Variants in ITIH5 observed in about 807,000 individuals in gnomAD.
ITIH5 encodes the protein inter-alpha-trypsin inhibitor heavy chain H5.
In ITIH5, 65 loss-of-function variants were observed where a neutral mutation model predicts 77.5. That is an observed-to-expected ratio of 0.84 (90% confidence interval 0.69 to 1.03). The LOEUF (loss-of-function observed/expected upper bound fraction) is 1.03. Among genes scored for constraint, ITIH5 ranks in the 50% least tolerant of loss-of-function variants. The probability of loss-of-function intolerance (pLI) is 0.00; values close to 1 mark genes in which losing one functional copy is unlikely to be tolerated. For missense variants in ITIH5, 1,208 were observed against 1,213.1 expected (o/e 1.00, Z 0.06); for synonymous variants, 525 against 494.3 (o/e 1.06, Z -0.82).
At chr10:7,615,893 T>C in intron 7 of ITIH5, 89 bp downstream of exon 7, 1 of 799,622 alleles carries the variant, frequency 1.3e-6, no homozygotes, top group Non-Finnish European at 2.2e-6. Context: ...AAGCTGACGT[T>C]TGGCATCTAC....
intron 7 of ITIH5, among the ~76,000 whole-genome samples, chr10:7,588,997 G>A (rs751249487): frequency 3.9e-5 from 6 of 152,252 alleles, no homozygotes; most frequent in Non-Finnish European, 8.8e-5. Flanking sequence ...GCAGCCCCAG[G>A]ACGGCTGGAG....
intron 7 of ITIH5, among the ~76,000 whole-genome samples, chr10:7,593,903 G>A (rs1832845631): frequency 6.6e-6 from 1 of 152,238 alleles, no homozygotes; most frequent in Non-Finnish European, 1.5e-5. Context: ...CCCTTGACTT[G>A]CCTTCCCACC....
intron 5 of ITIH5, chr10:7,622,274 T>C (rs1251702370): frequency 6.6e-6 from 1 of 152,242 alleles, no homozygotes; most frequent in Non-Finnish European, 1.5e-5. Flanking sequence ...AACTACAGAA[T>C]ACCAAAGAGA....
chr10:7,580,268 A>C (rs764232366), intron 8 of ITIH5, among the ~76,000 whole-genome samples: 7 of 152,288 alleles, frequency 4.6e-5, no homozygotes, highest in South Asian at 2.1e-4. Context: ...TTACAGGTGC[A>C]CACCACCACA....
intron 7 of ITIH5, among the ~76,000 whole-genome samples, chr10:7,588,614 C>T (rs1204518171): frequency 6.6e-6 from 1 of 152,200 alleles, no homozygotes; most frequent in Non-Finnish European, 1.5e-5. Flanking sequence ...TAACTTTCTC[C>T]CCGTGAGTTT....
Position 7,603,930 on chromosome 10 carries a change from C to T in ITIH5, c.939+12052G>A, listed in dbSNP as rs75003864. 2.8e-4 allele frequency among the ~76,000 whole-genome samples: 42 copies of T among 152,236 alleles called. No homozygotes were observed. In the East Asian group the frequency reaches 7.1e-3, roughly 26 times the overall value. On this transcript the variant is annotated intron_variant, in intron 7 of 13. Transcript: ENST00000397146. Reference sequence around the variant, plus strand: ...TGTGGCATGACTGTCCCTTGGTCTGCGTGGACTGCCTCCTTGTGTGTTTTG... The same window carrying T: ...TGTGGCATGACTGTCCCTTGGTCTGTGTGGACTGCCTCCTTGTGTGTTTTG...
intron 2 of ITIH5, among the ~76,000 whole-genome samples, chr10:7,649,044 C>G (rs1036703092): frequency 5.3e-5 from 8 of 152,114 alleles, no homozygotes; most frequent in African/African-American, 1.9e-4. Flanking sequence ...CTACTAGATT[C>G]AATTAGGCAC....
At position 7,588,226 on chromosome 10, in the gene ITIH5, A is replaced by C. The variant is rs182500154; in HGVS notation, c.940-2157T>G. ...TGGCAAAACCTCATCTCCACTAATA[A>C]TACAAAAATTAGCCAGGCATGGTGG... On this transcript the variant is annotated intron_variant, in intron 7 of 13. Coordinates refer to ENST00000397146, the MANE Select transcript of ITIH5 (RefSeq NM_030569.7). Among the ~76,000 whole-genome samples, 150 of 152,318 alleles carry C rather than the reference A, an allele frequency of 9.8e-4. No individual in the cohort carries two copies. The East Asian group carries it at 0.011, about 11-fold the overall frequency.
intron 11 of ITIH5, chr10:7,570,469 A>G (rs750289734): frequency 5.3e-5 from 8 of 152,342 alleles, no homozygotes; most frequent in Admixed American, 4.6e-4. Flanking sequence ...TTCAGCTGAC[A>G]GTTCTTATCT....
chr10:7,600,254 G>A (rs910858886), intron 7 of ITIH5, among the ~76,000 whole-genome samples: 1 of 152,214 alleles, frequency 6.6e-6, no homozygotes, highest in Non-Finnish European at 1.5e-5. Context: ...TCAGAAATCT[G>A]AGCCAGTGGA....
chr10:7,602,034 A>T (rs1159936341), intron 7 of ITIH5, among the ~76,000 whole-genome samples: 1 of 152,042 alleles, frequency 6.6e-6, no homozygotes, highest in Admixed American at 6.6e-5. Flanking sequence ...TTACGTTTTT[A>T]GTAGAGACAG....
chr10:7,650,488 C>G (rs779097755), intron 2 of ITIH5, among the ~76,000 whole-genome samples: 1 of 152,160 alleles, frequency 6.6e-6, no homozygotes, highest in Admixed American at 6.5e-5. Flanking sequence ...GTAATCCCAG[C>G]ACTTTGGGGG....
At chr10:7,605,543 C>T (rs199753648) in intron 7 of ITIH5, among the ~76,000 whole-genome samples, 1 of 149,236 alleles carries the variant, frequency 6.7e-6, no homozygotes, top group Non-Finnish European at 1.5e-5. Flanking sequence ...ACCCCACCCC[C>T]AACAGCCTAT....
chr10:7,596,792 TG>T (rs1832907027), intron 7 of ITIH5, among the ~76,000 whole-genome samples: 1 of 151,858 alleles, frequency 6.6e-6, no homozygotes, highest in South Asian at 2.1e-4. Flanking sequence ...CTGTAATCTT[TG>T]GGATTACACT....
At chr10:7,608,547 T>G (rs1049778034) in intron 7 of ITIH5, among the ~76,000 whole-genome samples, 6 of 152,204 alleles carry the variant, frequency 3.9e-5, no homozygotes, top group African/African-American at 1.2e-4. Context: ...CCTCTCAAAG[T>G]GCTGGGATTA....
At chr10:7,589,675 A>C (rs751164006) in intron 7 of ITIH5, among the ~76,000 whole-genome samples, 2 of 151,538 alleles carry the variant, frequency 1.3e-5, no homozygotes, top group Non-Finnish European at 2.9e-5. Flanking sequence ...CTATCCCCCG[A>C]CACTCTGCTT....
At chr10:7,596,561 A>G (rs987198336) in intron 7 of ITIH5, among the ~76,000 whole-genome samples, 1 of 152,186 alleles carries the variant, frequency 6.6e-6, no homozygotes, top group African/African-American at 2.4e-5. Flanking sequence ...GATGAATCCA[A>G]GTTCAAGGGA....
intron 5 of ITIH5, among the ~76,000 whole-genome samples, chr10:7,628,290 T>C (rs1481478533): frequency 1.3e-5 from 2 of 152,218 alleles, no homozygotes; most frequent in Non-Finnish European, 2.9e-5. Flanking sequence ...TTCTCCCTCC[T>C]CCCAGCCCCA....
At chr10:7,608,280 A>C (rs1833172039) in intron 7 of ITIH5, among the ~76,000 whole-genome samples, 1 of 151,888 alleles carries the variant, frequency 6.6e-6, no homozygotes, top group Non-Finnish European at 1.5e-5. Context: ...CCGTCGTTTA[A>C]TTTTTGTTTG....
Sources: allele counts gnomAD v4.1 joint callset (sites outside exome capture counted in the v4.1 genomes callset), GRCh38; gene constraint gnomAD v4.1.1; transcripts MANE v1.5; gene names NCBI Gene and HGNC (gene_info 2026-07-23, HGNC 2026-07-21).